The following TIAM1 variants were observed in gnomAD, a reference collection of about 807,000 sequenced individuals.
The protein encoded by TIAM1 is TIAM Rac1 associated GEF 1.
TIAM1 carries 65 observed loss-of-function variants against 163.5 expected under a neutral mutation model. The observed-to-expected ratio is 0.40, with a 90% confidence interval of 0.33 to 0.49. The LOEUF is 0.49. Ranked by LOEUF, TIAM1 falls within the 20% of genes least tolerant of loss-of-function variation. TIAM1 has a pLI of 0.77. For missense variants in TIAM1, 1,789 were observed against 2,044.7 expected (o/e 0.87, Z 2.41); for synonymous variants, 833 against 810.1 (o/e 1.03, Z -0.48).
chr21:31,339,237 A>G lies in TIAM1; in HGVS notation c.-189+6T>C, dbSNP rs951302888. ...TTCCCCAGCCTTTTGCAAACGCCAC[A>G]CTTACCCCATTGGAAACAGAAGAGG... is the stretch of plus-strand genomic sequence containing the variant. On this transcript the variant is annotated splice_donor_region_variant and intron_variant, in intron 2 of 27. Transcript: ENST00000541036. 4.8e-5 allele frequency: 19 copies of G among 398,138 alleles called. No individual in the cohort carries two copies. The highest frequency in any genetic ancestry group is 2.3e-4 in the African/African-American group (11 of 48,618). 24.7% of individuals were successfully genotyped at this position (398,138 alleles called of 1,614,324 possible).
chr21:31,245,909 CCCTT>C (rs1454716579), intron 5 of TIAM1, among the ~76,000 whole-genome samples: 1 of 152,144 alleles, frequency 6.6e-6, no homozygotes, highest in African/African-American at 2.4e-5. Flanking sequence ...TTCTCTCAAA[CCCTT>C]CCTTTGGGTT....
In TIAM1 at chr21:31,271,801, G is replaced by A. The variant is rs193026892; in HGVS notation, c.-11-4818C>T. The stretch of plus-strand genomic sequence containing the variant: ...AAGAGTGTCATCTGAAAGTGGTATG[G>A]GGTCAAAGCATCAGGAGTTCCTGGG... On this transcript the variant is annotated intron_variant, in intron 3 of 27. Coordinates refer to ENST00000541036, the MANE Select transcript of TIAM1 (RefSeq NM_001353694.2). 3.8e-4 allele frequency among the ~76,000 whole-genome samples: 58 copies of A among 152,254 alleles called. 2 individuals are homozygous for A. The East Asian group carries it at 0.011, about 28-fold the overall frequency.
intron 1 of TIAM1, among the ~76,000 whole-genome samples, chr21:31,553,004 A>C (rs1476411346): frequency 6.6e-6 from 1 of 152,198 alleles, no homozygotes; most frequent in African/African-American, 2.4e-5. Context: ...GTTAGAACAC[A>C]CTTTGAAACC....
intron 2 of TIAM1, among the ~76,000 whole-genome samples, chr21:31,455,416 A>AT (rs35317787): frequency 0.11 from 15,600 of 147,318 alleles, 954 homozygotes; most frequent in Admixed American, 0.15. Context: ...TTTAATTTTA[A>AT]TTTTTTTTTT....
At chr21:31,182,735 G>C (rs1471713986) in intron 14 of TIAM1, 90 bp from the exon 15 acceptor site, 1 of 1,343,888 alleles carries the variant, frequency 7.4e-7, no homozygotes, top group Non-Finnish European at 1.0e-6. Flanking sequence ...CACACCTGCT[G>C]TGGGTCTCAC....
In TIAM1 at chr21:31,146,963, G is replaced by A; in HGVS notation, c.3407C>T (p.Ala1136Val). The A allele has an allele frequency of 6.2e-7, 1 of 1,614,120 alleles. No homozygotes were observed. The highest frequency in any genetic ancestry group is 1.7e-5 in the Admixed American group (1 of 60,016). ...FSLGGSFLYY[A>V]DRFKLYSAFC... ...GGCACTGTAGAGCTTGAAGCGGTCA[G>A]CATAATACAGGAATGATCCCCCCAG... Residue 1136 changes from alanine to valine, a missense_variant, in exon 20 of 28, where the codon GCT becomes GTT. By Grantham distance (64) the Ala-to-Val change is moderately conservative (BLOSUM62 0). Transcript: ENST00000541036.
chr21:31,213,560 A>G (rs2146577763), intron 9 of TIAM1, 88 bp from the exon 10 acceptor site: 2 of 1,126,240 alleles, frequency 1.8e-6, no homozygotes, highest in Non-Finnish European at 2.7e-6. Context: ...GGGCATGGCT[A>G]TGACAAAACC....
At chr21:31,387,861 G>T (rs971864059) in intron 2 of TIAM1, among the ~76,000 whole-genome samples, 2 of 152,000 alleles carry the variant, frequency 1.3e-5, no homozygotes, top group African/African-American at 2.4e-5. Flanking sequence ...GAGTGAAGTC[G>T]CCTCCTCCCA....
intron 2 of TIAM1, among the ~76,000 whole-genome samples, chr21:31,305,697 A>G (rs2074682796): frequency 6.6e-6 from 1 of 152,210 alleles, no homozygotes; most frequent in South Asian, 2.1e-4. Context: ...AATTTGTATG[A>G]GAATTTGCCT....
At chr21:31,520,293 T>C (rs1031937035) in intron 1 of TIAM1, among the ~76,000 whole-genome samples, 4 of 149,732 alleles carry the variant, frequency 2.7e-5, no homozygotes, top group African/African-American at 9.9e-5. Flanking sequence ...ATCGCGCCAT[T>C]GCACTCCAGC....
At chr21:31,444,430 G>A (rs919261415) in intron 2 of TIAM1, among the ~76,000 whole-genome samples, 2 of 151,140 alleles carry the variant, frequency 1.3e-5, no homozygotes, top group African/African-American at 2.4e-5. Flanking sequence ...AGAATGCCAC[G>A]ATGGTTTTTA....
At chr21:31,269,513 C>T (rs1189190106) in intron 3 of TIAM1, among the ~76,000 whole-genome samples, 4 of 152,144 alleles carry the variant, frequency 2.6e-5, no homozygotes, top group South Asian at 2.1e-4. Context: ...TTAATAAGAA[C>T]GATGAAAGCC....
intron 2 of TIAM1, among the ~76,000 whole-genome samples, chr21:31,458,728 G>A (rs1265777634): frequency 2.0e-5 from 3 of 150,054 alleles, no homozygotes; most frequent in Admixed American, 6.6e-5. Context: ...GTGCCATGAC[G>A]AGAACAGAGC....
chr21:31,555,239 G>C (rs1340975376), intron 1 of TIAM1, among the ~76,000 whole-genome samples: 3 of 148,960 alleles, frequency 2.0e-5, no homozygotes, highest in African/African-American at 7.5e-5. Flanking sequence ...GGAGTACTTA[G>C]AGATGAAAAG....
chr21:31,487,169 TC>T lies in TIAM1; in HGVS notation c.-421-23135del, dbSNP rs1320598628. 5.9e-5 allele frequency among the ~76,000 whole-genome samples: 9 copies of T among 152,260 alleles called. No individual in the cohort carries two copies. In the East Asian group the frequency reaches 1.7e-3, roughly 29 times the overall value. On this transcript the variant is annotated intron_variant, in intron 1 of 28. Transcript: ENST00000286827. ...GGGGTTTAAAACTCAAGGAGCTTTT[TC>T]CGACAGGGCACATTTGATGGTGTCT...
At chr21:31,429,090 C>T (rs2043904211) in intron 2 of TIAM1, among the ~76,000 whole-genome samples, 2 of 151,012 alleles carry the variant, frequency 1.3e-5, no homozygotes, top group African/African-American at 2.4e-5. Context: ...ACCTCTGCCT[C>T]CTGGGCTCAC....
chr21:31,218,478 A>G (rs2087341525), intron 8 of TIAM1, among the ~76,000 whole-genome samples: 1 of 151,590 alleles, frequency 6.6e-6, no homozygotes, highest in Non-Finnish European at 1.5e-5. Context: ...CTGAGACAGG[A>G]GAATTGCTTG....
At chr21:31,295,343 A>ATG (rs765946838) in intron 2 of TIAM1, among the ~76,000 whole-genome samples, 4 of 151,846 alleles carry the variant, frequency 2.6e-5, no homozygotes, top group African/African-American at 7.3e-5. Context: ...GGTGGCAGGC[A>ATG]CCTGTAGTCC....
chr21:31,416,637 C>T (rs1056088590), intron 2 of TIAM1, among the ~76,000 whole-genome samples: 1 of 152,200 alleles, frequency 6.6e-6, no homozygotes, highest in Admixed American at 6.5e-5. Flanking sequence ...CCAAGTTGCG[C>T]AACAGACATG....
Sources: allele counts gnomAD v4.1 joint callset (sites outside exome capture counted in the v4.1 genomes callset), GRCh38; gene constraint gnomAD v4.1.1; transcripts MANE v1.5; gene names NCBI Gene and HGNC (gene_info 2026-07-23, HGNC 2026-07-21).